The following SEM1 variants were observed in gnomAD, a reference collection of about 807,000 sequenced individuals.
The protein encoded by SEM1 is 26S proteasome complex subunit SEM1.
SEM1 carries 3 observed loss-of-function variants against 12.7 expected under a neutral mutation model. That is an observed-to-expected ratio of 0.24 (90% CI 0.11 to 0.61). The LOEUF (loss-of-function observed/expected upper bound fraction) is 0.61. Among genes scored for constraint, SEM1 ranks in the 20% least tolerant of loss-of-function variants. The pLI, the probability that SEM1 is intolerant of heterozygous loss-of-function variation, is 0.88. For missense variants in SEM1, 59 were observed against 81.3 expected, an observed-to-expected ratio of 0.73 and a Z score of 1.06; for synonymous variants, 30 against 27.8, an observed-to-expected ratio of 1.08 and a Z score of -0.25.
At chr7:96,704,245 C>G (rs1322379864) in intron 1 of SEM1, among the ~76,000 whole-genome samples, 1 of 151,816 alleles carries the variant, frequency 6.6e-6, no homozygotes, top group Non-Finnish European at 1.5e-5. Context: ...TAAATACATT[C>G]TGGAAGGATA....
At chr7:96,516,290 A>T (rs1804093780) in intron 2 of SEM1, among the ~76,000 whole-genome samples, 1 of 152,144 alleles carries the variant, frequency 6.6e-6, no homozygotes, top group African/African-American at 2.4e-5. Flanking sequence ...TCAAATATGA[A>T]AAGACAAGTC....
chr7:96,602,455 T>C (rs911747361), intron 2 of SEM1, among the ~76,000 whole-genome samples: 3 of 152,194 alleles, frequency 2.0e-5, no homozygotes, highest in African/African-American at 7.2e-5. Flanking sequence ...AGACAGGCTA[T>C]GCACTCTTCA....
rs1212947219 is a variant in SEM1 at position 96,540,184 on chromosome 7, CT to C, written c.171-33487del. On this transcript the variant is annotated intron_variant and NMD_transcript_variant, in intron 2 of 3. Transcript: ENST00000466986. ...TGAAACTCAAAACTCTGAAAACAACCTAATATTTATTTTTTAAAACTTTATG... is the reference window on the plus strand; with the variant it reads ...TGAAACTCAAAACTCTGAAAACAACCAATATTTATTTTTTAAAACTTTATG... 8.6e-5 allele frequency among the ~76,000 whole-genome samples: 13 copies of C among 151,448 alleles called. No homozygotes were observed. The South Asian group carries it at 2.5e-3, about 29-fold the overall frequency.
chr7:96,640,922 CTT>C lies in SEM1; in HGVS notation c.171-18281_171-18280del, dbSNP rs1175541716. Among the ~76,000 whole-genome samples the C allele has an allele frequency of 6.6e-6, 1 of 151,920 alleles. No individual in the cohort carries two copies. Among genetic ancestry groups the C allele is most frequent in the Admixed American group, 6.6e-5 (1 of 15,188 alleles). On this transcript the variant is annotated intron_variant, in intron 2 of 2. Transcript: ENST00000417009. The surrounding 1 kb of genome is among the most constrained non-coding windows in gnomAD (Gnocchi z 4.0). ...AAAAATATGGTTTCTTTACAAAAAA[CTT>C]AGAGTAATCTCACACTTGAAGGTTT...
At chr7:96,522,629 G>A (rs1037545766) in intron 2 of SEM1, among the ~76,000 whole-genome samples, 3 of 151,078 alleles carry the variant, frequency 2.0e-5, no homozygotes, top group African/African-American at 7.3e-5. Context: ...TGTAATCCCA[G>A]CACTTTGGGA....
intron 2 of SEM1, among the ~76,000 whole-genome samples, chr7:96,663,743 A>T (rs1176360444): frequency 6.6e-6 from 1 of 152,236 alleles, no homozygotes; most frequent in African/African-American, 2.4e-5. Context: ...AAACAACCAC[A>T]GACTTGAAGG....
At chr7:96,511,477 C>G (rs1254780063) in intron 2 of SEM1, among the ~76,000 whole-genome samples, 1 of 152,116 alleles carries the variant, frequency 6.6e-6, no homozygotes, top group South Asian at 2.1e-4. Flanking sequence ...TCTATGCTAG[C>G]ATGTCCAATA....
chr7:96,529,385 C>A (rs1405705559), intron 2 of SEM1, among the ~76,000 whole-genome samples: 1 of 152,170 alleles, frequency 6.6e-6, no homozygotes, highest in Non-Finnish European at 1.5e-5. Flanking sequence ...TTAGGAACTA[C>A]TTCCACTAAT....
intron 2 of SEM1, among the ~76,000 whole-genome samples, chr7:96,521,501 C>A (rs1032373746): frequency 6.6e-6 from 1 of 152,092 alleles, no homozygotes; most frequent in East Asian, 1.9e-4. Flanking sequence ...CATTTAGGGG[C>A]AATTCATCTT....
chr7:96,526,146 T>C (rs1180824886), intron 2 of SEM1, among the ~76,000 whole-genome samples: 1 of 152,186 alleles, frequency 6.6e-6, no homozygotes, highest in Non-Finnish European at 1.5e-5. Context: ...AATATTTCTT[T>C]ACTAGCAATG....
chr7:96,483,078 G>A (rs538933993), exon 4 of SEM1: 8 of 152,286 alleles, frequency 5.3e-5, no homozygotes, highest in African/African-American at 1.9e-4. Context: ...CTTTGTGTTA[G>A]TAAGGCTAAC....
chr7:96,521,329 C>G (rs1804262629), intron 2 of SEM1, among the ~76,000 whole-genome samples: 2 of 152,074 alleles, frequency 1.3e-5, no homozygotes, highest in African/African-American at 4.8e-5. Flanking sequence ...CACAAGTTTG[C>G]TACTTAAAGG....
chr7:96,537,574 C>T (rs967816358), intron 2 of SEM1, among the ~76,000 whole-genome samples: 1 of 151,508 alleles, frequency 6.6e-6, no homozygotes, highest in Non-Finnish European at 1.5e-5. Context: ...TACTTCCACT[C>T]TGTTTTTACT....
At chr7:96,578,866 GC>G (rs1289870301) in intron 2 of SEM1, among the ~76,000 whole-genome samples, 7 of 152,082 alleles carry the variant, frequency 4.6e-5, no homozygotes. Flanking sequence ...TTTCAACAAA[GC>G]TTTGTTCTCT....
At chr7:96,504,559 C>A (rs6465510) in intron 3 of SEM1, among the ~76,000 whole-genome samples, 93,901 of 151,860 alleles carry the variant, frequency 0.62, 29,617 homozygotes, top group East Asian at 0.81. Context: ...GACATACGTT[C>A]TTTCCTTATT....
chr7:96,524,613 T>C (rs937813341), intron 2 of SEM1, among the ~76,000 whole-genome samples: 2 of 152,004 alleles, frequency 1.3e-5, no homozygotes, highest in East Asian at 3.9e-4. Context: ...TATTTTTATA[T>C]GATTAATAAC....
chr7:96,574,935 T>C (rs1806157843), intron 2 of SEM1, among the ~76,000 whole-genome samples: 1 of 152,194 alleles, frequency 6.6e-6, no homozygotes, highest in Admixed American at 6.5e-5. Context: ...AGGAGTTTGT[T>C]ATTACGTACT....
At chr7:96,642,891 T>C (rs1409383485) in intron 2 of SEM1, among the ~76,000 whole-genome samples, 1 of 152,094 alleles carries the variant, frequency 6.6e-6, no homozygotes, top group Non-Finnish European at 1.5e-5. Flanking sequence ...TTTTACATTA[T>C]GTTTCTATGG....
rs558461535 is a variant in SEM1, at chr7:96,486,587, C to T, written c.13-170G>A. Among the ~76,000 whole-genome samples the T allele has an allele frequency of 1.2e-4, 19 of 152,218 alleles. No individual in the cohort carries two copies. In the South Asian group the frequency reaches 3.7e-3, roughly 30 times the overall value. On this transcript the variant is annotated intron_variant, in intron 1 of 3. Transcript: ENST00000356686. ...GTGTAAGAGCAGGGGCTTCTTTCTGCCCAGCAGGTCACCCCTCTCCCTGAC... is the reference window on the plus strand; with the variant it reads ...GTGTAAGAGCAGGGGCTTCTTTCTGTCCAGCAGGTCACCCCTCTCCCTGAC...
Sources: allele counts gnomAD v4.1 joint callset (sites outside exome capture counted in the v4.1 genomes callset), GRCh38; gene constraint gnomAD v4.1.1; non-coding constraint Gnocchi (gnomAD v3.1); transcripts MANE v1.5; gene names NCBI Gene and HGNC (gene_info 2026-07-23, HGNC 2026-07-21).